SLC24A2: variants seen among roughly 807,000 people sequenced by gnomAD.
SLC24A2 encodes the protein solute carrier family 24 member 2, also known as sodium/potassium/calcium exchanger 2.
In SLC24A2, 36 loss-of-function variants were observed where a neutral mutation model predicts 62.0. The observed-to-expected ratio is 0.58, with a 90% confidence interval of 0.44 to 0.77. SLC24A2 has a LOEUF of 0.77. Among genes scored for constraint, SLC24A2 ranks in the 30% least tolerant of loss-of-function variants. SLC24A2 has a pLI of 0.00. For synonymous variants in SLC24A2, 358 were observed against 294.0 expected, an observed-to-expected ratio of 1.22 and a Z score of -2.23; for missense variants, 846 against 817.9, an observed-to-expected ratio of 1.03 and a Z score of -0.42.
the SLC24A2 span, among the ~76,000 whole-genome samples, chr9:20,194,000 G>A: frequency 6.6e-6 from 1 of 152,000 alleles, no homozygotes; most frequent in Admixed American, 6.6e-5. Flanking sequence ...AATGGAATAG[G>A]ACAGAGTGTG....
At chr9:20,304,729 T>C in the SLC24A2 span, among the ~76,000 whole-genome samples, 1 of 152,214 alleles carries the variant, frequency 6.6e-6, no homozygotes, top group African/African-American at 2.4e-5. Flanking sequence ...TAAAATGAGA[T>C]AGCCCTGGAC....
At chr9:19,956,274 G>A in the SLC24A2 span, among the ~76,000 whole-genome samples, 17 of 152,202 alleles carry the variant, frequency 1.1e-4, no homozygotes, top group Non-Finnish European at 1.9e-4. Context: ...GAACATCTCT[G>A]CTCCATAATT....
At chr9:20,044,745 A>AT in the SLC24A2 span, among the ~76,000 whole-genome samples, 29 of 152,214 alleles carry the variant, frequency 1.9e-4, no homozygotes, top group Non-Finnish European at 2.6e-4. Context: ...TGATTATCCT[A>AT]TTTTTTTGTT....
At chr9:19,654,145 C>G (rs73646354) in intron 2 of SLC24A2, among the ~76,000 whole-genome samples, 5,309 of 152,262 alleles carry the variant, frequency 0.035, 214 homozygotes, top group African/African-American at 0.096. Flanking sequence ...GTTGCCTTTT[C>G]AAGACTTTCA....
the SLC24A2 span, among the ~76,000 whole-genome samples, chr9:20,014,040 T>A: frequency 6.6e-6 from 1 of 152,100 alleles, no homozygotes; most frequent in African/African-American, 2.4e-5. Context: ...AGACTCTGTC[T>A]CTATAAAAAA....
chr9:20,263,093 G>T, the SLC24A2 span, among the ~76,000 whole-genome samples: 1 of 152,186 alleles, frequency 6.6e-6, no homozygotes, highest in African/African-American at 2.4e-5. Context: ...CTATCACTGG[G>T]TGTTTCTTGT....
the SLC24A2 span, among the ~76,000 whole-genome samples, chr9:20,061,942 G>C: frequency 6.6e-6 from 1 of 152,120 alleles, no homozygotes; most frequent in African/African-American, 2.4e-5. Flanking sequence ...TCTGATAAAA[G>C]CCTTGTATCT....
chr9:20,255,348 T>A, the SLC24A2 span, among the ~76,000 whole-genome samples: 4 of 152,212 alleles, frequency 2.6e-5, no homozygotes, highest in Non-Finnish European at 5.9e-5. Flanking sequence ...CCAGCCCTGA[T>A]TTTGCCCAAT....
chr9:19,955,303 C>CA, the SLC24A2 span, among the ~76,000 whole-genome samples: 1 of 147,752 alleles, frequency 6.8e-6, no homozygotes, highest in Non-Finnish European at 1.5e-5. Flanking sequence ...AAAGATTCAA[C>CA]AAAAAAATTT....
At chr9:19,613,764 T>TG (rs1817691086) in intron 4 of SLC24A2, among the ~76,000 whole-genome samples, 1 of 152,198 alleles carries the variant, frequency 6.6e-6, no homozygotes, top group African/African-American at 2.4e-5. Context: ...AATGCTGGGT[T>TG]GGACATGGGG....
chr9:19,608,523 A>G (rs1236762050), intron 4 of SLC24A2, among the ~76,000 whole-genome samples: 1 of 152,194 alleles, frequency 6.6e-6, no homozygotes, highest in Non-Finnish European at 1.5e-5. Flanking sequence ...GTGTGAGTGA[A>G]GTCTCCAGGC....
intron 2 of SLC24A2, among the ~76,000 whole-genome samples, chr9:19,720,615 T>C (rs1820994463): frequency 6.6e-6 from 1 of 151,894 alleles, no homozygotes; most frequent in African/African-American, 2.4e-5. Context: ...TTTTCCTCAA[T>C]GCTGGAGTCT....
chr9:19,741,377 G>A (rs1255242251), intron 2 of SLC24A2, among the ~76,000 whole-genome samples: 1 of 152,166 alleles, frequency 6.6e-6, no homozygotes, highest in East Asian at 1.9e-4. Context: ...CCTGTTTCCT[G>A]ATTTTTTGGG....
At position 19,564,803 on chromosome 9, in the gene SLC24A2, T is replaced by C. The variant is rs373600662; in HGVS notation, c.1347+8548A>G. Among the ~76,000 whole-genome samples the C allele has an allele frequency of 7.2e-5, 11 of 152,282 alleles. No homozygotes were observed. In the East Asian group the frequency reaches 1.5e-3, roughly 21 times the overall value. ...CGAATCTAAGGAATTTGCAAGTCTC[T>C]CCCCCTTCTACCCTCATTGTGAGCG... On this transcript the variant is annotated intron_variant, in intron 7 of 10. Coordinates refer to ENST00000341998, the MANE Select transcript of SLC24A2 (RefSeq NM_020344.4).
chr9:19,979,953 T>C, the SLC24A2 span, among the ~76,000 whole-genome samples: 8 of 152,214 alleles, frequency 5.3e-5, no homozygotes, highest in African/African-American at 7.2e-5. Flanking sequence ...TGTAGGTTGA[T>C]TGCCTGCAAA....
chr9:20,239,040 T>G, the SLC24A2 span, among the ~76,000 whole-genome samples: 1 of 152,182 alleles, frequency 6.6e-6, no homozygotes, highest in Non-Finnish European at 1.5e-5. Flanking sequence ...ATCCTTGACC[T>G]TGGACTTCTA....
At chr9:19,627,397 G>C (rs1274150172) in intron 2 of SLC24A2, among the ~76,000 whole-genome samples, 1 of 152,180 alleles carries the variant, frequency 6.6e-6, no homozygotes, top group Admixed American at 6.5e-5. Context: ...ATTGTTTAGA[G>C]ACAGTTAAAG....
At chr9:19,524,857 C>T (rs1359861327) in intron 9 of SLC24A2, among the ~76,000 whole-genome samples, 1 of 151,988 alleles carries the variant, frequency 6.6e-6, no homozygotes, top group African/African-American at 2.4e-5. Context: ...AAGATGGAAC[C>T]CTGCATGATG....
At chr9:20,038,508 A>T in the SLC24A2 span, among the ~76,000 whole-genome samples, 1 of 152,166 alleles carries the variant, frequency 6.6e-6, no homozygotes, top group African/African-American at 2.4e-5. Flanking sequence ...GACCCTACGA[A>T]TAAAAACTCA....
Sources: gnomAD v4.1 joint callset for allele counts (sites outside exome capture counted in the v4.1 genomes callset) on GRCh38, gnomAD v4.1.1 for gene constraint, MANE v1.5 for transcripts, NCBI Gene and HGNC (gene_info 2026-07-23, HGNC 2026-07-21) for gene names.